The following HOMER2 variants were observed in gnomAD, a reference collection of about 807,000 sequenced individuals.
HOMER2 encodes homer scaffold protein 2.
HOMER2 carries 27 observed loss-of-function variants against 47.0 expected under a neutral mutation model. The ratio of observed to expected loss-of-function variants is 0.57; its 90% CI spans 0.42 to 0.79. HOMER2 has a LOEUF of 0.79. HOMER2 is among the 30% of genes least tolerant of loss of function. The pLI is 0.00. For missense variants in HOMER2, 443 were observed against 435.0 expected (o/e 1.02, Z -0.16); for synonymous variants, 161 against 163.8 (o/e 0.98, Z 0.13).
intron 1 of HOMER2, among the ~76,000 whole-genome samples, chr15:82,910,454 G>T (rs1465540316): frequency 6.6e-6 from 1 of 152,148 alleles, no homozygotes; most frequent in Non-Finnish European, 1.5e-5. Context: ...GAGCTTGAGG[G>T]TAATTTGGAC....
chr15:82,873,995 C>T (rs2151067446), intron 3 of HOMER2, among the ~76,000 whole-genome samples: 1 of 152,292 alleles, frequency 6.6e-6, no homozygotes, highest in South Asian at 2.1e-4. Flanking sequence ...CCTGACTCAC[C>T]CTAATTTCCC....
At chr15:82,880,823 G>A (rs937861856) in intron 2 of HOMER2, among the ~76,000 whole-genome samples, 15 of 152,158 alleles carry the variant, frequency 9.9e-5, no homozygotes, top group African/African-American at 9.7e-5. Flanking sequence ...CAGGGCAGAA[G>A]GCTGACTTAA....
chr15:82,931,061 C>G (rs963963745), intron 1 of HOMER2, among the ~76,000 whole-genome samples: 1 of 151,796 alleles, frequency 6.6e-6, no homozygotes, highest in Admixed American at 6.6e-5. Context: ...CAAGATCTAG[C>G]CACTGCACTC....
chr15:82,969,888 A>G (rs1190016786), intron 1 of HOMER2, among the ~76,000 whole-genome samples: 1 of 152,256 alleles, frequency 6.6e-6, no homozygotes, highest in Non-Finnish European at 1.5e-5. Flanking sequence ...TAACTTAAAT[A>G]GAACCTTTGT....
At chr15:82,922,057 A>T (rs1161539171) in intron 1 of HOMER2, among the ~76,000 whole-genome samples, 1 of 152,232 alleles carries the variant, frequency 6.6e-6, no homozygotes, top group Non-Finnish European at 1.5e-5. Flanking sequence ...CTTAAAAGAT[A>T]ACAGATATTC....
intron 5 of HOMER2, among the ~76,000 whole-genome samples, chr15:82,856,544 A>G (rs2051592664): frequency 6.6e-6 from 1 of 152,122 alleles, no homozygotes; most frequent in Non-Finnish European, 1.5e-5. Context: ...AGTCGAGCCC[A>G]GGAGTTCAAG....
intron 2 of HOMER2, among the ~76,000 whole-genome samples, chr15:82,878,257 TC>T (rs2052411566): frequency 2.0e-5 from 3 of 152,150 alleles, no homozygotes; most frequent in African/African-American, 7.2e-5. Context: ...CCAGAGGCAG[TC>T]AAGCTAGAAT....
chr15:82,865,095 A>G (rs945708144), intron 3 of HOMER2, among the ~76,000 whole-genome samples: 3 of 152,252 alleles, frequency 2.0e-5, no homozygotes, highest in Non-Finnish European at 4.4e-5. Context: ...ACCTTGCCAG[A>G]TAACAGATGT....
intron 1 of HOMER2, among the ~76,000 whole-genome samples, chr15:82,930,285 T>TATAAAGGGAGTCA (rs1442472580): frequency 5.3e-5 from 8 of 152,076 alleles, no homozygotes; most frequent in Non-Finnish European, 1.0e-4. Flanking sequence ...TGAAATACCG[T>TATAAAGGGAGTCA]ATAAAGGGAG....
At chr15:82,845,544 A>C (rs1396527089), downstream of HOMER2, 1 of 152,230 alleles carries the variant, frequency 6.6e-6, no homozygotes, top group Non-Finnish European at 1.5e-5. Context: ...CTTTAAAAAT[A>C]TACATGGACA....
At chr15:82,857,089 T>C (rs552432384) in intron 5 of HOMER2, among the ~76,000 whole-genome samples, 29 of 151,082 alleles carry the variant, frequency 1.9e-4, no homozygotes, top group African/African-American at 6.8e-4. Flanking sequence ...CTACCCCTAA[T>C]GTGATGGTCT....
At chr15:82,858,713 T>G (rs2051670495) in intron 5 of HOMER2, among the ~76,000 whole-genome samples, 1 of 151,470 alleles carries the variant, frequency 6.6e-6, no homozygotes, top group Non-Finnish European at 1.5e-5. Flanking sequence ...ACATGTACAC[T>G]CAATCACACA....
intron 4 of HOMER2, among the ~76,000 whole-genome samples, chr15:82,859,847 A>G (rs1266392805): frequency 6.6e-6 from 1 of 152,100 alleles, no homozygotes; most frequent in Admixed American, 6.5e-5. Context: ...TATAAATCCA[A>G]GTTTCAATTT....
chr15:82,965,943 A>C (rs1177053561), intron 1 of HOMER2, among the ~76,000 whole-genome samples: 1 of 152,098 alleles, frequency 6.6e-6, no homozygotes, highest in Non-Finnish European at 1.5e-5. Context: ...AAAATACAAA[A>C]ATTAGCCAGC....
chr15:82,853,159 A>C (rs191437267), intron 6 of HOMER2, among the ~76,000 whole-genome samples: 176 of 152,202 alleles, frequency 1.2e-3, no homozygotes, highest in African/African-American at 4.0e-3. Flanking sequence ...AACCACACCA[A>C]CTTCCGCCTC....
chr15:82,931,099 T>C (rs1034486968), intron 1 of HOMER2, among the ~76,000 whole-genome samples: 2 of 147,316 alleles, frequency 1.4e-5, no homozygotes, highest in African/African-American at 2.6e-5. Flanking sequence ...CAAGACACTG[T>C]ATCAAAAAAA....
chr15:82,902,981 A>G (rs2053171116), intron 1 of HOMER2, among the ~76,000 whole-genome samples: 1 of 152,226 alleles, frequency 6.6e-6, no homozygotes, highest in Admixed American at 6.5e-5. Flanking sequence ...AGTCTGTTAT[A>G]TTTTATGATC....
rs115538675 is a variant in HOMER2, at chr15:82,937,936, C to T, written c.5+14595G>A. Among the ~76,000 whole-genome samples, 1,062 of 152,340 alleles carry T rather than the reference C, an allele frequency of 7.0e-3. 12 individuals carry two copies. Among genetic ancestry groups the T allele is most frequent in the African/African-American group, 0.024 (996 of 41,592 alleles). On this transcript the variant is annotated intron_variant, in intron 1 of 8. Coordinates refer to ENST00000450735, the MANE Select transcript of HOMER2 (RefSeq NM_004839.4). ...AAAGTCACAGTCTTCAATCTTCAAC[C>T]GGTCCCTGAAGGCTGTTCTCTAGTC...
downstream of HOMER2, chr15:82,835,818 C>T (rs548847203): frequency 6.6e-6 from 1 of 152,374 alleles, no homozygotes; most frequent in Non-Finnish European, 1.5e-5. Context: ...CCCAGGCCTC[C>T]TTCCCCACCA....
Sources: allele counts gnomAD v4.1 joint callset (sites outside exome capture counted in the v4.1 genomes callset), GRCh38; gene constraint gnomAD v4.1.1; transcripts MANE v1.5; gene names NCBI Gene and HGNC (gene_info 2026-07-23, HGNC 2026-07-21).